The following SECISBP2L variants were observed in gnomAD, a reference collection of about 807,000 sequenced individuals.
The protein encoded by SECISBP2L is SECIS binding protein 2 like, also known as selenocysteine insertion sequence-binding protein 2-like.
SECISBP2L carries 43 observed loss-of-function variants against 114.7 expected under a neutral mutation model. The observed-to-expected ratio is 0.38, with a 90% CI of 0.29 to 0.48. SECISBP2L has a LOEUF of 0.48. Ranked by LOEUF, SECISBP2L falls within the 20% of genes least tolerant of loss-of-function variation. The pLI, the probability that SECISBP2L is intolerant of heterozygous loss-of-function variation, is 0.98. For synonymous variants in SECISBP2L, 451 were observed against 439.7 expected, an observed-to-expected ratio of 1.03 and a Z score of -0.32; for missense variants, 1,136 against 1,301.1, an observed-to-expected ratio of 0.87 and a Z score of 1.95.
At position 48,992,056 on chromosome 15, in the gene SECISBP2L, TAGAA is replaced by T; in HGVS notation, c.*184_*187del. The stretch of plus-strand genomic sequence containing the variant: ...AGATCTGAATTTTCCACACAGTTCT[TAGAA>T]AGACACTTAGATACTAATTAAAAGC... On this transcript the variant is annotated 3_prime_UTR_variant, in exon 18 of 18. Coordinates refer to ENST00000559471, the MANE Select transcript of SECISBP2L (RefSeq NM_001193489.2). 2 of 498,856 alleles carry T rather than the reference TAGAA, an allele frequency of 4.0e-6. No homozygotes were observed. The highest frequency in any genetic ancestry group is 6.9e-6 in the Non-Finnish European group (2 of 290,472). 30.9% of individuals were successfully genotyped at this position (498,856 alleles called of 1,614,324 possible).
chr15:49,040,115 A>G (rs1449308836), intron 1 of SECISBP2L, among the ~76,000 whole-genome samples: 4 of 152,194 alleles, frequency 2.6e-5, no homozygotes, highest in Admixed American at 2.0e-4. Flanking sequence ...CTTCATTTGT[A>G]CTTCATAGAA....
At chr15:49,000,279 A>C (rs1048252827) in intron 15 of SECISBP2L, among the ~76,000 whole-genome samples, 7 of 152,196 alleles carry the variant, frequency 4.6e-5, no homozygotes, top group African/African-American at 1.7e-4. Context: ...ATAATAAAGA[A>C]ATTAATTAAA....
chr15:49,040,532 T>A (rs1473701328), intron 1 of SECISBP2L, among the ~76,000 whole-genome samples: 1 of 120,734 alleles, frequency 8.3e-6, no homozygotes, highest in Non-Finnish European at 1.8e-5. Context: ...CTATTCTTTT[T>A]TTTTTTTTTT....
chr15:48,988,963 T>C lies in SECISBP2L; in HGVS notation c.*3281A>G, dbSNP rs1324314805. 3 of 168,246 alleles carry C rather than the reference T, an allele frequency of 1.8e-5. No individual in the cohort carries two copies. In the Admixed American group the frequency reaches 1.8e-4, roughly 10 times the overall value. The allele number at this position is 168,246 out of a possible 1,614,324, so 10.4% of individuals were successfully genotyped here. The stretch of plus-strand genomic sequence containing the variant: ...ATTTCAGATTAGGCAAACAGTTTGG[T>C]TGATTCTGTGATGTATGTAAAGGTT... On this transcript the variant is annotated 3_prime_UTR_variant, in exon 18 of 18. Transcript: ENST00000559471.
intron 7 of SECISBP2L, among the ~76,000 whole-genome samples, chr15:49,025,779 G>C (rs1051191501): frequency 6.6e-6 from 1 of 152,112 alleles, no homozygotes; most frequent in African/African-American, 2.4e-5. Context: ...TATACACATT[G>C]ATCTTGGGAA....
At chr15:49,017,192 G>A in intron 9 of SECISBP2L, 177 bp from the exon 10 acceptor site, 3 of 639,192 alleles carry the variant, frequency 4.7e-6, no homozygotes, top group Non-Finnish European at 7.7e-6. Context: ...AAATAATAAA[G>A]GGACAAAACA....
chr15:49,028,056 A>C, intron 6 of SECISBP2L, 88 bp downstream of exon 6: 1 of 1,172,226 alleles, frequency 8.5e-7, no homozygotes, highest in Non-Finnish European at 1.2e-6. Context: ...TTTTTTTTGC[A>C]GTATCAGCAA....
chr15:49,028,046 T>TC, intron 6 of SECISBP2L, 98 bp downstream of exon 6: 1 of 1,087,346 alleles, frequency 9.2e-7, no homozygotes, highest in East Asian at 2.6e-5. Context: ...GACTTCTAAG[T>TC]TTTTTTTGCA....
At chr15:49,004,846 TC>T (rs1319822898) in intron 14 of SECISBP2L, among the ~76,000 whole-genome samples, 3 of 152,212 alleles carry the variant, frequency 2.0e-5, no homozygotes, top group African/African-American at 7.2e-5. Flanking sequence ...GTGTTTTACA[TC>T]CAATTATGTG....
At chr15:49,028,836 T>G (rs1215973706) in intron 4 of SECISBP2L, among the ~76,000 whole-genome samples, 154 bp from the exon 5 acceptor site, 1 of 152,174 alleles carries the variant, frequency 6.6e-6, no homozygotes, top group South Asian at 2.1e-4. Flanking sequence ...AAAGGTAAGA[T>G]GTTCCTGGTA....
chr15:49,026,134 A>T (rs1902736247), intron 7 of SECISBP2L, among the ~76,000 whole-genome samples: 2 of 152,230 alleles, frequency 1.3e-5, no homozygotes, highest in Admixed American at 1.3e-4. Context: ...CAGAAAGATA[A>T]ATAACACACG....
At chr15:49,022,492 G>C (rs984113913) in intron 7 of SECISBP2L, among the ~76,000 whole-genome samples, 1 of 151,900 alleles carries the variant, frequency 6.6e-6, no homozygotes, top group Non-Finnish European at 1.5e-5. Flanking sequence ...TCAGCTACTT[G>C]GGAGGAGGCT....
At chr15:49,013,486 A>G (rs1023785853) in intron 11 of SECISBP2L, among the ~76,000 whole-genome samples, 2 of 152,056 alleles carry the variant, frequency 1.3e-5, no homozygotes, top group South Asian at 4.2e-4. Context: ...TAGTAGAGAC[A>G]GGGTTTCACC....
At chr15:49,026,731 C>A (rs1225089401) in intron 7 of SECISBP2L, among the ~76,000 whole-genome samples, 2 of 152,138 alleles carry the variant, frequency 1.3e-5, no homozygotes, top group Non-Finnish European at 2.9e-5. Flanking sequence ...AGTTTTAATT[C>A]CTTAAATAGA....
At chr15:49,005,670 G>A (rs1468097400) in intron 14 of SECISBP2L, among the ~76,000 whole-genome samples, 1 of 143,004 alleles carries the variant, frequency 7.0e-6, no homozygotes, top group Non-Finnish European at 1.5e-5. Flanking sequence ...TGGGTCTCCT[G>A]AATACAGGAC....
chr15:49,009,879 C>T (rs774995214), intron 13 of SECISBP2L, among the ~76,000 whole-genome samples: 3 of 152,166 alleles, frequency 2.0e-5, no homozygotes, highest in Non-Finnish European at 4.4e-5. Context: ...TGCCTGTAAT[C>T]CCAGCACTTT....
At chr15:49,044,626 T>G (rs1169662788) in intron 1 of SECISBP2L, among the ~76,000 whole-genome samples, 2 of 152,156 alleles carry the variant, frequency 1.3e-5, no homozygotes, top group Non-Finnish European at 2.9e-5. Context: ...GAAAAAAAAG[T>G]CAACAGAAAA....
chr15:48,988,708 T>C lies in SECISBP2L; in HGVS notation c.*3536A>G. Reference sequence around the variant, plus strand: ...GTATTTACATAGTGCAAAAAAGCTGTTATTACCCCCCAAATGTGATATAAC... The same window carrying C: ...GTATTTACATAGTGCAAAAAAGCTGCTATTACCCCCCAAATGTGATATAAC... On this transcript the variant is annotated 3_prime_UTR_variant, in exon 18 of 18. Transcript: ENST00000559471. 1 of 425,484 alleles carries C rather than the reference T, an allele frequency of 2.4e-6. No individual in the cohort carries two copies. Among genetic ancestry groups the C allele is most frequent in the Non-Finnish European group, 4.8e-6 (1 of 210,314 alleles). 26.4% of individuals were successfully genotyped at this position (425,484 alleles called of 1,614,324 possible). A position where few individuals can be genotyped will look rare whatever the true frequency, so the allele number is the denominator to read the frequency against.
chr15:48,996,308 G>C, intron 17 of SECISBP2L, 59 bp downstream of exon 17: 2 of 1,436,480 alleles, frequency 1.4e-6, no homozygotes, highest in Non-Finnish European at 9.6e-7. Flanking sequence ...AGGTAGAATA[G>C]AAAGTCATTT....
Sources: allele counts gnomAD v4.1 joint callset (sites outside exome capture counted in the v4.1 genomes callset), GRCh38; gene constraint gnomAD v4.1.1; transcripts MANE v1.5; gene names NCBI Gene and HGNC (gene_info 2026-07-23, HGNC 2026-07-21).